LARGE1: variants seen among roughly 807,000 people sequenced by gnomAD.
LARGE1 encodes LARGE xylosyl- and glucuronyltransferase 1, also known as xylosyl- and glucuronyltransferase LARGE1.
In LARGE1, 43 loss-of-function variants were observed where a neutral mutation model predicts 87.6. That is an observed-to-expected ratio of 0.49 (90% CI 0.38 to 0.63). The LOEUF (loss-of-function observed/expected upper bound fraction) is 0.63. LARGE1 is among the 30% of genes least tolerant of loss of function. The pLI is 0.00. For synonymous variants in LARGE1, 434 were observed against 394.6 expected (o/e 1.10, Z -1.18); for missense variants, 802 against 1,000.2 (o/e 0.80, Z 2.67).
intron 11 of LARGE1, among the ~76,000 whole-genome samples, chr22:33,314,111 G>C (rs1236480325): frequency 6.6e-6 from 1 of 152,140 alleles, no homozygotes; most frequent in African/African-American, 2.4e-5. Context: ...CCCAAGAAGG[G>C]ACAGGGCTCG....
intron 6 of LARGE1, among the ~76,000 whole-genome samples, chr22:33,437,909 TG>T (rs907196905): frequency 3.9e-5 from 6 of 152,122 alleles, no homozygotes; most frequent in East Asian, 1.9e-4. Context: ...ATTGATTCTG[TG>T]GGGGTAAGTG....
intron 11 of LARGE1, among the ~76,000 whole-genome samples, chr22:33,263,447 C>T (rs149141259): frequency 2.8e-4 from 42 of 152,356 alleles, no homozygotes; most frequent in African/African-American, 9.6e-4. Flanking sequence ...GCAGAGAGGA[C>T]TCCTTTGCAG....
At chr22:33,073,108 T>C in the LARGE1 span, among the ~76,000 whole-genome samples, 1 of 152,236 alleles carries the variant, frequency 6.6e-6, no homozygotes, top group East Asian at 1.9e-4. Flanking sequence ...TGACCGATTT[T>C]CTTCCCCCAT....
chr22:33,396,259 C>T (rs1488588203), intron 7 of LARGE1, among the ~76,000 whole-genome samples: 1 of 152,176 alleles, frequency 6.6e-6, no homozygotes, highest in Non-Finnish European at 1.5e-5. Context: ...CTTTGAAGCA[C>T]TAGAGTTCTC....
At chr22:33,300,215 C>T (rs1602305066) in intron 12 of LARGE1, among the ~76,000 whole-genome samples, 1 of 152,186 alleles carries the variant, frequency 6.6e-6, no homozygotes, top group Admixed American at 6.5e-5. Flanking sequence ...CTAATGCTAA[C>T]ATTTAACTTC....
At chr22:33,547,797 A>AG (rs2077404529) in intron 6 of LARGE1, among the ~76,000 whole-genome samples, 1 of 75,316 alleles carries the variant, frequency 1.3e-5, no homozygotes, top group Non-Finnish European at 3.0e-5. Context: ...CCATCTCAAA[A>AG]AAAAAAAAAA....
chr22:33,606,675 C>T (rs1003849439), intron 4 of LARGE1, among the ~76,000 whole-genome samples: 1 of 152,098 alleles, frequency 6.6e-6, no homozygotes, highest in African/African-American at 2.4e-5. Flanking sequence ...AATAAATCCT[C>T]ACTGAGTACA....
the LARGE1 span, among the ~76,000 whole-genome samples, chr22:33,087,463 C>G: frequency 6.6e-6 from 1 of 152,060 alleles, no homozygotes; most frequent in African/African-American, 2.4e-5. Context: ...CAGTGATGTA[C>G]TTATGCATAA....
chr22:33,391,682 G>T (rs1160177109), intron 7 of LARGE1, among the ~76,000 whole-genome samples: 9 of 151,606 alleles, frequency 5.9e-5, no homozygotes, highest in Admixed American at 5.9e-4. Context: ...TTTTAGAAAG[G>T]CTGCATAAAG....
intron 1 of LARGE1, among the ~76,000 whole-genome samples, chr22:33,893,085 T>G (rs540564287): frequency 6.6e-6 from 1 of 152,204 alleles, no homozygotes; most frequent in East Asian, 1.9e-4. Flanking sequence ...TGTGAACTTA[T>G]GAAACGATGC....
intron 7 of LARGE1, among the ~76,000 whole-genome samples, chr22:33,423,274 A>G (rs984156277): frequency 1.3e-5 from 2 of 152,198 alleles, no homozygotes; most frequent in African/African-American, 2.4e-5. Flanking sequence ...GTCATTTACT[A>G]TAGCCAAACC....
In LARGE1 at chr22:33,497,616, G is replaced by A. The variant is rs569479695; in HGVS notation, c.788-65351C>T. Among the ~76,000 whole-genome samples the A allele has an allele frequency of 4.6e-5, 7 of 152,160 alleles. No homozygotes were observed. In the South Asian group the frequency reaches 1.0e-3, roughly 23 times the overall value. Reference sequence around the variant, plus strand: ...TGCATTCTTGTCAATTTTTCGATGTGACAAAACATACAAAGTGTCCAGTAT... The same window carrying A: ...TGCATTCTTGTCAATTTTTCGATGTAACAAAACATACAAAGTGTCCAGTAT... On this transcript the variant is annotated intron_variant, in intron 6 of 14. Coordinates refer to ENST00000397394, the MANE Select transcript of LARGE1 (RefSeq NM_133642.5).
intron 1 of LARGE1, among the ~76,000 whole-genome samples, chr22:33,895,544 C>T (rs2065119084): frequency 6.6e-6 from 1 of 152,184 alleles, no homozygotes; most frequent in African/African-American, 2.4e-5. Context: ...AATCCACCTG[C>T]AAGCTCCCTC....
At chr22:33,207,406 G>A (rs1449605457) in intron 11 of LARGE1, among the ~76,000 whole-genome samples, 1 of 152,162 alleles carries the variant, frequency 6.6e-6, no homozygotes, top group Non-Finnish European at 1.5e-5. Context: ...CTCACTGCAT[G>A]ATTCTCTTAT....
the LARGE1 span, among the ~76,000 whole-genome samples, chr22:33,132,090 G>A: frequency 6.6e-6 from 1 of 151,918 alleles, no homozygotes; most frequent in Non-Finnish European, 1.5e-5. Flanking sequence ...TGACACATGG[G>A]AATTGTTGGA....
intron 6 of LARGE1, among the ~76,000 whole-genome samples, chr22:33,435,307 G>A (rs1027466147): frequency 3.3e-5 from 5 of 152,028 alleles, no homozygotes; most frequent in African/African-American, 9.7e-5. Context: ...TGGCTCCTAC[G>A]GGTATTTTGC....
intron 11 of LARGE1, among the ~76,000 whole-genome samples, chr22:33,218,244 T>C (rs1925301752): frequency 1.3e-5 from 2 of 152,164 alleles, no homozygotes; most frequent in South Asian, 4.1e-4. Context: ...AACTTCTTAA[T>C]TATCTTCTTG....
chr22:33,883,656 G>A (rs1008460611), intron 1 of LARGE1, among the ~76,000 whole-genome samples: 1 of 152,230 alleles, frequency 6.6e-6, no homozygotes, highest in Non-Finnish European at 1.5e-5. Context: ...CGACCCCTCT[G>A]TGGTCTCTCT....
chr22:33,282,301 C>G (rs185052317), intron 13 of LARGE1, among the ~76,000 whole-genome samples: 1 of 152,202 alleles, frequency 6.6e-6, no homozygotes, highest in African/African-American at 2.4e-5. Flanking sequence ...GCCGAGACCA[C>G]GCCATTGCAC....
Sources: allele counts gnomAD v4.1 joint callset (sites outside exome capture counted in the v4.1 genomes callset), GRCh38; gene constraint gnomAD v4.1.1; transcripts MANE v1.5; gene names NCBI Gene and HGNC (gene_info 2026-07-23, HGNC 2026-07-21).